The following MYO5C variants were observed in gnomAD, a reference collection of about 807,000 sequenced individuals.
MYO5C encodes the protein unconventional myosin-Vc.
In MYO5C, 194 loss-of-function variants were observed where a neutral mutation model predicts 235.7. The ratio of observed to expected loss-of-function variants is 0.82; its 90% CI spans 0.73 to 0.93. The LOEUF is 0.93. MYO5C is among the 40% of genes least tolerant of loss of function. The pLI is 0.00. For synonymous variants in MYO5C, 707 were observed against 754.8 expected (o/e 0.94, Z 1.04); for missense variants, 2,038 against 2,127.2 (o/e 0.96, Z 0.82).
rs529998498 is a variant in MYO5C, at chr15:52,237,521, G to A, written c.2829C>T (p.Tyr943=). The A allele has an allele frequency of 1.1e-5, 17 of 1,614,066 alleles. No homozygotes were observed. Among genetic ancestry groups the A allele is most frequent in the South Asian group, 6.6e-5 (6 of 91,074 alleles). The part of the protein sequence containing the change: ...LEKAATHRRN[Y]EEKGKRYRDA... The stretch of plus-strand genomic sequence containing the variant: ...CCCTGTATCTCTTCCCCTTCTCCTC[G>A]TAATTTCGCCTGTGAGTGGCTGCTT... Residue 943 remains tyrosine, a synonymous_variant, in exon 22 of 41, where the codon TAC becomes TAT. Transcript: ENST00000261839.
rs375271766 is a variant in MYO5C at position 52,239,833 on chromosome 15, G to A, written c.2603C>T (p.Ala868Val). The stretch of plus-strand genomic sequence containing the variant: ...CTGGAATCTGCGTCTGGCCAGCCAC[G>A]CCCGTGCGTATTTCTGTAGGATCAC... Reference protein sequence around the residue: ...KAVILQKYARAWLARRRFQSI... With the variant: ...KAVILQKYARVWLARRRFQSI... The change falls in exon 21 of 41, where the codon GCG (alanine) becomes GTG (valine). Residue 868 changes from alanine to valine, a missense_variant. Ala to Val is a moderately conservative substitution (Grantham distance 64). Transcript: ENST00000261839. 8.4e-5 allele frequency: 136 copies of A among 1,613,616 alleles called. No homozygotes were observed. Among genetic ancestry groups the A allele is most frequent in the Non-Finnish European group, 1.1e-4 (128 of 1,179,808 alleles).
chr15:52,282,770 AAGGACCCTCACCGTTCCATCCTCCAGC>A lies in MYO5C; in HGVS notation c.123_138+11del. On this transcript the variant is annotated splice_donor_variant and splice_donor_5th_base_variant and coding_sequence_variant and intron_variant, in exon 2 of 41. Coordinates refer to ENST00000261839, the MANE Select transcript of MYO5C (RefSeq NM_018728.4). LOFTEE classifies it high-confidence loss of function. ...ACACATCGACGTAGCTGTGAACAGC[AAGGACCCTCACCGTTCCATCCTCCAGC>A]AGGAGTCGCAGGACCTTGTCACCAA... 6.4e-7 allele frequency: 1 copy of A among 1,558,726 alleles called. No homozygotes were observed.
At position 52,219,727 on chromosome 15, in the gene MYO5C, T is replaced by G. The variant is rs767428676; in HGVS notation, c.3785+32A>C. On this transcript the variant is annotated intron_variant, in intron 31 of 40. Coordinates refer to ENST00000261839, the MANE Select transcript of MYO5C (RefSeq NM_018728.4). ...GTTTCAGAAAAGCATTACACGAGCA[T>G]GAACTTGAGGTACACACATATTTAC... 55 of 1,555,078 alleles carry G rather than the reference T, an allele frequency of 3.5e-5. 1 individual carries two copies. Among genetic ancestry groups the G allele is most frequent in the Non-Finnish European group, 1.2e-5 (14 of 1,128,668 alleles).
At chr15:52,258,316 C>T (rs1166912576) in intron 10 of MYO5C, among the ~76,000 whole-genome samples, 2 of 152,148 alleles carry the variant, frequency 1.3e-5, no homozygotes, top group African/African-American at 4.8e-5. Context: ...AAGAGAGGCC[C>T]CATCTTGTAG....
Position 52,223,649 on chromosome 15 carries a change from C to A in MYO5C, c.3522G>T (p.Val1174=), listed in dbSNP as rs2141289582. The A allele has an allele frequency of 4.3e-6, 7 of 1,614,128 alleles. No individual in the cohort carries two copies. In the East Asian group the frequency reaches 1.6e-4, roughly 36 times the overall value. ...GGTGGTTGATTTCTTGACTGAGATG[C>A]ACCACTTTGAAGTTCAAAGCTTCAA... ...KEIEALNFKV[V]HLSQEINHLQ... Residue 1174 remains valine, a synonymous_variant, in exon 29 of 41, where the codon GTG becomes GTT. Transcript: ENST00000261839.
At chr15:52,276,848 G>A (rs2037062903) in intron 4 of MYO5C, among the ~76,000 whole-genome samples, 1 of 152,100 alleles carries the variant, frequency 6.6e-6, no homozygotes, top group Non-Finnish European at 1.5e-5. Context: ...CTGTGATGGT[G>A]GAAGCTTCTA....
chr15:52,252,002 T>C (rs1258972452), intron 12 of MYO5C, among the ~76,000 whole-genome samples: 3 of 152,146 alleles, frequency 2.0e-5, no homozygotes, highest in Non-Finnish European at 4.4e-5. Context: ...AGGCATTAAT[T>C]TATCCTTGAT....
At chr15:52,230,826 CT>C (rs67197964) in intron 24 of MYO5C, among the ~76,000 whole-genome samples, 293 of 128,582 alleles carry the variant, frequency 2.3e-3, no homozygotes, top group Middle Eastern at 7.8e-3. Context: ...AGAAGTCTTC[CT>C]TTTTTTTTTT....
intron 13 of MYO5C, among the ~76,000 whole-genome samples, chr15:52,250,130 A>G (rs1342241116): frequency 1.3e-5 from 2 of 152,184 alleles, no homozygotes. Flanking sequence ...AAATTATGAC[A>G]ATAGCTAGGA....
chr15:52,264,449 T>C (rs1318443759), intron 8 of MYO5C, among the ~76,000 whole-genome samples, 153 bp from the exon 9 acceptor site: 2 of 152,130 alleles, frequency 1.3e-5, no homozygotes, highest in Non-Finnish European at 2.9e-5. Context: ...TGGGGCACTG[T>C]TCCTTCTAGT....
At chr15:52,257,817 G>A (rs1206652619) in intron 10 of MYO5C, among the ~76,000 whole-genome samples, 2 of 152,324 alleles carry the variant, frequency 1.3e-5, no homozygotes, top group East Asian at 3.9e-4. Context: ...ATCCTGAGAG[G>A]TTCCTGCCGG....
intron 11 of MYO5C, among the ~76,000 whole-genome samples, chr15:52,253,894 C>T (rs1040328492): frequency 3.3e-5 from 5 of 151,856 alleles, no homozygotes; most frequent in Admixed American, 3.3e-4. Context: ...GTGCACTACT[C>T]ACTTGGGCTG....
At chr15:52,246,815 C>A in intron 16 of MYO5C, 102 bp downstream of exon 16, 2 of 906,708 alleles carry the variant, frequency 2.2e-6, no homozygotes, top group Non-Finnish European at 3.4e-6. Flanking sequence ...AAAAAAAACC[C>A]AGAAACAGGG....
intron 39 of MYO5C, among the ~76,000 whole-genome samples, chr15:52,195,827 C>A (rs919225653): frequency 6.6e-6 from 1 of 151,876 alleles, no homozygotes; most frequent in Admixed American, 6.6e-5. Flanking sequence ...GAGATAGGGT[C>A]TCCCTTTATT....
In MYO5C at chr15:52,235,660, C is replaced by G. The variant is rs753841890; in HGVS notation, c.2962+10G>C. 28 of 1,599,764 alleles carry G rather than the reference C, an allele frequency of 1.8e-5. No homozygotes were observed. In the African/African-American group the frequency reaches 3.6e-4, roughly 21 times the overall value. On this transcript the variant is annotated intron_variant, in intron 23 of 40. Coordinates refer to ENST00000261839, the MANE Select transcript of MYO5C (RefSeq NM_018728.4). ...AGTGAATGTCTGGATTTGTGCCCCC[C>G]AAGCTTTACCTTTTAACTCTTCAGT...
intron 1 of MYO5C, among the ~76,000 whole-genome samples, chr15:52,287,759 C>T (rs911922234): frequency 4.3e-4 from 65 of 152,170 alleles, no homozygotes; most frequent in African/African-American, 1.3e-3. Flanking sequence ...GGTGGATCAC[C>T]TGAGATTGGG....
intron 28 of MYO5C, among the ~76,000 whole-genome samples, 156 bp downstream of exon 28, chr15:52,224,745 C>A (rs11070886): frequency 0.95 from 145,189 of 152,280 alleles, 69,419 homozygotes; most frequent in Non-Finnish European, 0.99. Context: ...GAATAAGCTA[C>A]TTACTTACTT....
chr15:52,194,992 CTAGAGTTCCT>C (rs2035014779), intron 40 of MYO5C, among the ~76,000 whole-genome samples: 1 of 151,934 alleles, frequency 6.6e-6, no homozygotes, highest in Admixed American at 6.6e-5. Flanking sequence ...AACTGCTGCC[CTAGAGTTCCT>C]TAGGGGACAA....
At chr15:52,272,489 C>A in intron 6 of MYO5C, 91 bp downstream of exon 6, 2 of 1,267,212 alleles carry the variant, frequency 1.6e-6, no homozygotes, top group Non-Finnish European at 2.2e-6. Context: ...CTTCAACTCA[C>A]AGCATAGTGT....
Sources: gnomAD v4.1 joint callset for allele counts (sites outside exome capture counted in the v4.1 genomes callset) on GRCh38, gnomAD v4.1.1 for gene constraint, MANE v1.5 for transcripts, NCBI Gene and HGNC (gene_info 2026-07-23, HGNC 2026-07-21) for gene names.